LRRC41: variants seen among roughly 807,000 people sequenced by gnomAD.
LRRC41 encodes leucine rich repeat containing 41.
In LRRC41, 17 loss-of-function variants were observed where a neutral mutation model predicts 72.1. That is an observed-to-expected ratio of 0.24 (90% CI 0.16 to 0.35). The LOEUF (loss-of-function observed/expected upper bound fraction) is 0.35. Among genes scored for constraint, LRRC41 ranks in the 10% least tolerant of loss-of-function variants. The probability of loss-of-function intolerance (pLI) is 1.00; values close to 1 mark genes in which losing one functional copy is unlikely to be tolerated. For missense variants in LRRC41, 759 were observed against 1,065.0 expected (o/e 0.71, Z 4.00); for synonymous variants, 427 against 431.0 (o/e 0.99, Z 0.11).
chr1:46,277,896 A>G lies in LRRC41; in HGVS notation c.*969T>C, dbSNP rs1198565047. On this transcript the variant is annotated 3_prime_UTR_variant, in exon 10 of 10. Transcript: ENST00000617190. Reference sequence around the variant, plus strand: ...AGCAGCTGTGTGGTGGATGAGGAGCAGGATGTAGAGCGCCACTTCTCTCTG... The same window carrying G: ...AGCAGCTGTGTGGTGGATGAGGAGCGGGATGTAGAGCGCCACTTCTCTCTG... 34 of 1,613,988 alleles carry G rather than the reference A, an allele frequency of 2.1e-5. No homozygotes were observed. Among genetic ancestry groups the G allele is most frequent in the Non-Finnish European group, 2.8e-5 (33 of 1,180,030 alleles).
At position 46,285,941 on chromosome 1, in the gene LRRC41, G is replaced by A. The variant is rs1320186818; in HGVS notation, c.916C>T (p.Arg306Cys). The change falls in exon 4 of 10, where the codon CGT becomes TGT. Residue 306 changes from arginine (R) to cysteine (C), a missense_variant. Arg to Cys is a radical substitution (Grantham distance 180). Transcript: ENST00000617190. The surrounding 1 kb of genome is among the most constrained non-coding windows in gnomAD (Gnocchi z 5.3). The stretch of plus-strand genomic sequence containing the variant: ...GGCATCTGCTTGGCTTCACTCTTAC[G>A]CCGGCTGGCCATCAGGGCTGCAGCA... The part of the protein sequence containing the change: ...RCAAALMASR[R>C]KSEAKQMPRA... The A allele has an allele frequency of 9.8e-6, 15 of 1,534,172 alleles. No individual in the cohort carries two copies. The highest frequency in any genetic ancestry group is 2.8e-5 in the African/African-American group (2 of 72,430).
intron 1 of LRRC41, among the ~76,000 whole-genome samples, chr1:46,301,591 C>A (rs1661224521): frequency 6.6e-6 from 1 of 152,094 alleles, no homozygotes; most frequent in Non-Finnish European, 1.5e-5. Flanking sequence ...CCAAGGGCCT[C>A]CCCGACCACC....
Position 46,286,669 on chromosome 1 carries a change from C to T in LRRC41, c.358-170G>A, listed in dbSNP as rs370107178. Among the ~76,000 whole-genome samples, 12 of 152,070 alleles carry T rather than the reference C, an allele frequency of 7.9e-5. No individual in the cohort carries two copies. The highest frequency in any genetic ancestry group is 2.4e-4 in the African/African-American group (10 of 41,400). ...ATTAGCCCTATTTTACAGGTAAAAC[C>T]GAGGCACAAAGAGGTGGCCACACAG... is the stretch of plus-strand genomic sequence containing the variant. On this transcript the variant is annotated intron_variant, in intron 3 of 9. Coordinates refer to ENST00000617190, the MANE Select transcript of LRRC41 (RefSeq NM_006369.5). This position sits in a 1 kb window ranked among gnomAD's most constrained non-coding sequence, Gnocchi z 5.5.
chr1:46,282,759 G>A (rs757386384), intron 4 of LRRC41, among the ~76,000 whole-genome samples: 5 of 152,080 alleles, frequency 3.3e-5, no homozygotes, highest in Non-Finnish European at 5.9e-5. Flanking sequence ...GGCCAGGTGT[G>A]GTGGCTCACA....
rs755455575 is a variant in LRRC41 at position 46,279,167 on chromosome 1, C to T, written c.2219+15G>A. Reference sequence around the variant, plus strand: ...CTGTAGCCCCATCCCTTGTCTTGCCCCTCCCCTCATGTACCTGATGTCCAG... The same window carrying T: ...CTGTAGCCCCATCCCTTGTCTTGCCTCTCCCCTCATGTACCTGATGTCCAG... On this transcript the variant is annotated intron_variant, in intron 9 of 9. Transcript: ENST00000617190. The surrounding 1 kb of genome is among the most constrained non-coding windows in gnomAD (Gnocchi z 4.5). 5 of 1,613,854 alleles carry T rather than the reference C, an allele frequency of 3.1e-6. No homozygotes were observed. The highest frequency in any genetic ancestry group is 4.2e-6 in the Non-Finnish European group (5 of 1,179,900).
Position 46,302,346 on chromosome 1 carries a change from GC to G in LRRC41, c.199+777del, listed in dbSNP as rs938251284. The stretch of plus-strand genomic sequence containing the variant: ...CCCTCGCTTGTTTAAGCCGCTCCGG[GC>G]CCCCCTCCACTCGCTCTCCGGTCCC... On this transcript the variant is annotated intron_variant, in intron 1 of 9. Transcript: ENST00000617190. This position sits in a 1 kb window ranked among gnomAD's most constrained non-coding sequence, Gnocchi z 4.7. 10 of 985,246 alleles carry G rather than the reference GC, an allele frequency of 1.0e-5. No homozygotes were observed. In the African/African-American group the frequency reaches 1.6e-4, roughly 15 times the overall value. 61.0% of individuals were successfully genotyped at this position (985,246 alleles called of 1,614,324 possible).
chr1:46,286,137 T>C lies in LRRC41; in HGVS notation c.720A>G (p.Ser240=). ...VSLYSWPVPE[S]ALFILILTMS... ...TGGTGAGAATAAGGATGAAAAGGGC[T>C]GACTCAGGCACAGGCCAGGAGTATA... The change falls in exon 4 of 10, where the codon TCA becomes TCG. Residue 240 remains serine (S), a synonymous_variant. Transcript: ENST00000617190. The surrounding 1 kb of genome is among the most constrained non-coding windows in gnomAD (Gnocchi z 5.5). The C allele has an allele frequency of 6.2e-7, 1 of 1,614,262 alleles. No individual in the cohort carries two copies. Among genetic ancestry groups the C allele is most frequent in the Non-Finnish European group, 8.5e-7 (1 of 1,180,038 alleles).
Position 46,298,307 on chromosome 1 carries a change from A to G in LRRC41, c.263T>C (p.Ile88Thr), listed in dbSNP as rs1378614674. Reference sequence around the variant, plus strand: ...ACCTTTCTTGAGGGCAGTTTCCTCAATCCTCTCCAAGTAATATATATTGAG... The same window carrying G: ...ACCTTTCTTGAGGGCAGTTTCCTCAGTCCTCTCCAAGTAATATATATTGAG... ...PLLNIYYLERIEETALKKGLS... is the reference protein window; with the variant it reads ...PLLNIYYLERTEETALKKGLS... The change falls in exon 2 of 10, where the codon ATT (isoleucine) becomes ACT (threonine). Residue 88 changes from isoleucine to threonine, a missense_variant. Coordinates refer to ENST00000617190, the MANE Select transcript of LRRC41 (RefSeq NM_006369.5). The G allele has an allele frequency of 1.9e-6, 3 of 1,611,944 alleles. No homozygotes were observed. The highest frequency in any genetic ancestry group is 1.1e-5 in the South Asian group (1 of 90,852).
chr1:46,291,763 T>G (rs1055168775), intron 3 of LRRC41, among the ~76,000 whole-genome samples: 4 of 151,612 alleles, frequency 2.6e-5, no homozygotes, highest in Non-Finnish European at 2.9e-5. Flanking sequence ...TTTCACCATA[T>G]TGGCCAGGCT....
chr1:46,278,812 C>T lies in LRRC41; in HGVS notation c.*53G>A, dbSNP rs751727528. The T allele has an allele frequency of 4.5e-6, 7 of 1,542,446 alleles. No homozygotes were observed. In the African/African-American group the frequency reaches 9.5e-5, roughly 21 times the overall value. On this transcript the variant is annotated 3_prime_UTR_variant, in exon 10 of 10. Transcript: ENST00000617190. ...TTGGGGTTCTGGGCAGCCCATGCTTCAGCCCCTGCAAGCTGATGGTACCGA... is the reference window on the plus strand; with the variant it reads ...TTGGGGTTCTGGGCAGCCCATGCTTTAGCCCCTGCAAGCTGATGGTACCGA...
intron 5 of LRRC41, 103 bp downstream of exon 5, chr1:46,281,022 G>A (rs1660762694): frequency 1.3e-6 from 2 of 1,484,810 alleles, no homozygotes; most frequent in East Asian, 2.3e-5. Context: ...CCAGGAATGA[G>A]TGATAGAAGA....
Position 46,303,603 on chromosome 1 carries a change from G to A in LRRC41, c.-281C>T. ...CCCTAACCTCTGCCTGCGGCTGGTA[G>A]TACATGCCAATCTGAGCATGTGTTC... On this transcript the variant is annotated 5_prime_UTR_variant, in exon 1 of 10. Coordinates refer to ENST00000617190, the MANE Select transcript of LRRC41 (RefSeq NM_006369.5). The A allele has an allele frequency of 3.7e-6, 4 of 1,081,344 alleles. No homozygotes were observed. Among genetic ancestry groups the A allele is most frequent in the Non-Finnish European group, 5.3e-6 (4 of 748,806 alleles). 67.0% of individuals were successfully genotyped at this position (1,081,344 alleles called of 1,614,324 possible).
chr1:46,293,509 C>G (rs1391273180), intron 3 of LRRC41, among the ~76,000 whole-genome samples: 1 of 152,126 alleles, frequency 6.6e-6, no homozygotes, highest in Non-Finnish European at 1.5e-5. Flanking sequence ...CAACGTTTTT[C>G]TGGGATTGTA....
At chr1:46,292,305 C>CCAGACTGG (rs1342382047) in intron 3 of LRRC41, among the ~76,000 whole-genome samples, 1 of 151,702 alleles carries the variant, frequency 6.6e-6, no homozygotes, top group African/African-American at 2.4e-5. Context: ...CCTGTGTTGC[C>CCAGACTGG]CAGACTGGTC....
intron 4 of LRRC41, 67 bp from the exon 5 acceptor site, chr1:46,281,452 C>A: frequency 6.7e-7 from 1 of 1,486,316 alleles, no homozygotes; most frequent in Non-Finnish European, 9.2e-7. Context: ...TATTCAAATA[C>A]AACTCCAAAT....
intron 3 of LRRC41, 65 bp downstream of exon 3, chr1:46,297,498 T>C: frequency 1.5e-6 from 2 of 1,297,254 alleles, no homozygotes. Flanking sequence ...AGCTTGTGTT[T>C]GTGTGCTATT....
rs1660810103 is a variant in LRRC41 at position 46,282,965 on chromosome 1, A to G, written c.1496-1580T>C. Among the ~76,000 whole-genome samples, 4 of 151,764 alleles carry G rather than the reference A, an allele frequency of 2.6e-5. 1 individual carries two copies. In the South Asian group the frequency reaches 8.4e-4, roughly 32 times the overall value. ...CTTGGACCCGAGAGGCGGAGGTTGCAGTAAGCCAAGATTGCACCATTGCAC... is the reference window on the plus strand; with the variant it reads ...CTTGGACCCGAGAGGCGGAGGTTGCGGTAAGCCAAGATTGCACCATTGCAC... On this transcript the variant is annotated intron_variant, in intron 4 of 9. Transcript: ENST00000617190.
At chr1:46,283,219 G>A (rs1660816290) in intron 4 of LRRC41, among the ~76,000 whole-genome samples, 1 of 152,128 alleles carries the variant, frequency 6.6e-6, no homozygotes, top group African/African-American at 2.4e-5. Flanking sequence ...GGATTTGTAT[G>A]GCAAGAGTAA....
Position 46,302,847 on chromosome 1 carries a change from C to T in LRRC41, c.199+277G>A. On this transcript the variant is annotated intron_variant, in intron 1 of 9. Transcript: ENST00000617190. This position sits in a 1 kb window ranked among gnomAD's most constrained non-coding sequence, Gnocchi z 4.7. Reference sequence around the variant, plus strand: ...CAGCCGCAATCCAGCCTCAGTCGCCCGGGCCCAGCCTGCTTCGCTCCAGAC... The same window carrying T: ...CAGCCGCAATCCAGCCTCAGTCGCCTGGGCCCAGCCTGCTTCGCTCCAGAC... 1.0e-6 allele frequency: 1 copy of T among 985,170 alleles called. No homozygotes were observed. The highest frequency in any genetic ancestry group is 1.1e-4 in the East Asian group (1 of 8,794). 61.0% of individuals were successfully genotyped at this position (985,170 alleles called of 1,614,324 possible). A position where few individuals can be genotyped will look rare whatever the true frequency, so the allele number is the denominator to read the frequency against.
Sources: gnomAD v4.1 joint callset for allele counts (sites outside exome capture counted in the v4.1 genomes callset) on GRCh38, gnomAD v4.1.1 for gene constraint, Gnocchi (gnomAD v3.1) non-coding constraint, MANE v1.5 for transcripts, NCBI Gene and HGNC (gene_info 2026-07-23, HGNC 2026-07-21) for gene names.